STK25: variants seen among roughly 807,000 people sequenced by gnomAD.
STK25 encodes the protein serine/threonine-protein kinase 25.
In STK25, 29 loss-of-function variants were observed where a neutral mutation model predicts 53.8. The observed-to-expected ratio is 0.54, with a 90% confidence interval of 0.40 to 0.74. The LOEUF (loss-of-function observed/expected upper bound fraction) is 0.74, where lower values mean the gene tolerates loss of function less well. Ranked by LOEUF, STK25 falls within the 30% of genes least tolerant of loss-of-function variation. The pLI is 0.00. For missense variants in STK25, 420 were observed against 568.0 expected, an observed-to-expected ratio of 0.74 and a Z score of 2.65; for synonymous variants, 247 against 238.3, an observed-to-expected ratio of 1.04 and a Z score of -0.33.
At chr2:241,500,893 C>G (rs2065470187) in intron 3 of STK25, 97 bp from the exon 4 acceptor site, 1 of 1,207,386 alleles carries the variant, frequency 8.3e-7, no homozygotes, top group African/African-American at 1.5e-5. Flanking sequence ...GGCCCAGGCC[C>G]CACCGGTCCC....
chr2:241,493,195 G>C lies in STK25; in HGVS notation c.*2467C>G. The C allele has an allele frequency of 1.4e-6, 2 of 1,407,396 alleles. No homozygotes were observed. The highest frequency in any genetic ancestry group is 2.0e-6 in the Non-Finnish European group (2 of 1,006,804). 87.2% of individuals were successfully genotyped at this position (1,407,396 alleles called of 1,614,324 possible). On this transcript the variant is annotated 3_prime_UTR_variant, in exon 12 of 12. Transcript: ENST00000316586. ...GGGAAACTGGCTCCCTTGGCCCGTG[G>C]GCATTTGTACGTGCCACCGTTGTGC... is the stretch of plus-strand genomic sequence containing the variant.
At position 241,495,346 on chromosome 2, in the gene STK25, C is replaced by A. The variant is rs955250734; in HGVS notation, c.*316G>T. On this transcript the variant is annotated 3_prime_UTR_variant, in exon 12 of 12. Coordinates refer to ENST00000316586, the MANE Select transcript of STK25 (RefSeq NM_001271977.2). ...CTTGGTCTGAGCGGCCATAGGGCTG[C>A]ATGAGTCTGCAGAAGACCCAGGCGT... 12 of 361,764 alleles carry A rather than the reference C, an allele frequency of 3.3e-5. No homozygotes were observed. Among genetic ancestry groups the A allele is most frequent in the African/African-American group, 2.3e-4 (11 of 48,288 alleles). The allele number at this position is 361,764 out of a possible 1,614,324, so 22.4% of individuals were successfully genotyped here. A position where few individuals can be genotyped will look rare whatever the true frequency, so the allele number is the denominator to read the frequency against.
rs752682796 is a variant in STK25 at position 241,497,640 on chromosome 2, C to T, written c.1080G>A (p.Thr360=). 3.1e-6 allele frequency: 5 copies of T among 1,613,386 alleles called. No individual in the cohort carries two copies. Among genetic ancestry groups the T allele is most frequent in the Admixed American group, 3.3e-5 (2 of 60,004 alleles). ...CCTCTCCGAAGACGGGCCGGACCAGCGTGGACAGGCACTGGGACCTCGGCT... is the reference window on the plus strand; with the variant it reads ...CCTCTCCGAAGACGGGCCGGACCAGTGTGGACAGGCACTGGGACCTCGGCT... ...KRQPRSQCLS[T]LVRPVFGELK... is the part of the protein sequence containing the mutation. The change falls in exon 10 of 12, where the codon ACG becomes ACA. Residue 360 remains threonine, a synonymous_variant. Coordinates refer to ENST00000316586, the MANE Select transcript of STK25 (RefSeq NM_001271977.2).
chr2:241,497,537 G>T, intron 10 of STK25, 79 bp downstream of exon 10: 1 of 1,433,934 alleles, frequency 7.0e-7, no homozygotes, highest in Non-Finnish European at 9.8e-7. Flanking sequence ...ACAGTGCTGT[G>T]AGGGAGACAT....
At position 241,499,434 on chromosome 2, in the gene STK25, C is replaced by A. The variant is rs540691158; in HGVS notation, c.428-20G>T. On this transcript the variant is annotated intron_variant, in intron 5 of 11. Transcript: ENST00000316586. ...TGGCAGCTGCTTGACACAGGACAGG[C>A]AGGCGTCATCCCAGGCTCCACGTGG... The A allele has an allele frequency of 8.1e-6, 13 of 1,609,930 alleles. No homozygotes were observed. In the African/African-American group the frequency reaches 1.6e-4, roughly 20 times the overall value.
At position 241,508,549 on chromosome 2, in the gene STK25, G is replaced by C. The variant is rs923001693; in HGVS notation, c.-207C>G. On this transcript the variant is annotated 5_prime_UTR_variant, in exon 1 of 12. Coordinates refer to ENST00000316586, the MANE Select transcript of STK25 (RefSeq NM_001271977.2). The stretch of plus-strand genomic sequence containing the variant: ...GGGGACCCCGGGCCTCCCAGCCCGC[G>C]AAGCAACGGTGGTGGCGGCAGCGAC... 1.0e-6 allele frequency: 1 copy of C among 995,756 alleles called. No homozygotes were observed. Among genetic ancestry groups the C allele is most frequent in the Non-Finnish European group, 1.2e-6 (1 of 835,976 alleles). 61.7% of individuals were successfully genotyped at this position (995,756 alleles called of 1,614,324 possible).
At position 241,499,416 on chromosome 2, in the gene STK25, TGC is replaced by T; in HGVS notation, c.428-4_428-3del. On this transcript the variant is annotated splice_polypyrimidine_tract_variant and splice_region_variant and intron_variant, in intron 5 of 11. Coordinates refer to ENST00000316586, the MANE Select transcript of STK25 (RefSeq NM_001271977.2). ...GCTCCGAGAGTAGCACGTTGGCAGC[TGC>T]TTGACACAGGACAGGCAGGCGTCAT... The T allele has an allele frequency of 6.2e-7, 1 of 1,613,394 alleles. No homozygotes were observed. Among genetic ancestry groups the T allele is most frequent in the Non-Finnish European group, 8.5e-7 (1 of 1,179,770 alleles).
rs550355190 is a variant in STK25, at chr2:241,503,366, C to T, written c.31-1658G>A. 1.3e-5 allele frequency among the ~76,000 whole-genome samples: 2 copies of T among 151,992 alleles called. 1 individual carries two copies. Among genetic ancestry groups the T allele is most frequent in the Admixed American group, 1.3e-4 (2 of 15,288 alleles). ...AGGCGTGAGCCACCACGCACGGCCCCTCCCCTAACAACATCAAGGGTCTTG... is the reference window on the plus strand; with the variant it reads ...AGGCGTGAGCCACCACGCACGGCCCTTCCCCTAACAACATCAAGGGTCTTG... On this transcript the variant is annotated intron_variant, in intron 2 of 11. Coordinates refer to ENST00000316586, the MANE Select transcript of STK25 (RefSeq NM_001271977.2).
At position 241,493,305 on chromosome 2, in the gene STK25, C is replaced by T. The variant is rs2064998459; in HGVS notation, c.*2357G>A. The T allele has an allele frequency of 3.7e-6, 6 of 1,613,732 alleles. No individual in the cohort carries two copies. The highest frequency in any genetic ancestry group is 2.7e-5 in the African/African-American group (2 of 74,948). ...TGCTGTCTTGCAGGATGACTACCCA[C>T]TGGCCAGCCTCCCGCTGCTGGGCTA... On this transcript the variant is annotated 3_prime_UTR_variant, in exon 12 of 12. Transcript: ENST00000316586.
chr2:241,499,678 C>A (rs2065387489), intron 5 of STK25: 3 of 559,446 alleles, frequency 5.4e-6, no homozygotes, highest in African/African-American at 1.9e-5. Context: ...CGACAAGCGA[C>A]TTCGCCCACT....
rs968863696 is a variant in STK25, at chr2:241,493,644, G to C, written c.*2018C>G. The C allele has an allele frequency of 5.1e-6, 3 of 589,308 alleles. No individual in the cohort carries two copies. The highest frequency in any genetic ancestry group is 5.9e-5 in the Admixed American group (2 of 33,654). The allele number at this position is 589,308 out of a possible 1,614,324, so 36.5% of individuals were successfully genotyped here. ...GCGTCTCCCTCTGTCACTCAGGCTG[G>C]AGTGCAGTGATACAATCTTGGCTCA... On this transcript the variant is annotated 3_prime_UTR_variant, in exon 12 of 12. Transcript: ENST00000316586.
rs939425972 is a variant in STK25, at chr2:241,494,362, C to T, written c.*1300G>A. The T allele has an allele frequency of 4.5e-5, 15 of 330,880 alleles. No individual in the cohort carries two copies. Among genetic ancestry groups the T allele is most frequent in the South Asian group, 2.8e-4 (2 of 7,178 alleles). 20.5% of individuals were successfully genotyped at this position (330,880 alleles called of 1,614,324 possible). On this transcript the variant is annotated 3_prime_UTR_variant, in exon 12 of 12. Coordinates refer to ENST00000316586, the MANE Select transcript of STK25 (RefSeq NM_001271977.2). The surrounding 1 kb of genome is among the most constrained non-coding windows in gnomAD (Gnocchi z 4.9). Reference sequence around the variant, plus strand: ...CTGGGAAAAATGTGCGAGTCTTGAGCGCGGAGCCGCTCAAGCCACAGCTCC... The same window carrying T: ...CTGGGAAAAATGTGCGAGTCTTGAGTGCGGAGCCGCTCAAGCCACAGCTCC...
chr2:241,508,650 T>TCC, upstream of STK25: 1 of 985,930 alleles, frequency 1.0e-6, no homozygotes, highest in Non-Finnish European at 1.2e-6. Context: ...GGACCCCGAG[T>TCC]CCCACCGCCC....
At chr2:241,500,117 T>A in intron 5 of STK25, 56 bp downstream of exon 5, 1 of 1,501,884 alleles carries the variant, frequency 6.7e-7, no homozygotes, top group Non-Finnish European at 9.3e-7. Flanking sequence ...CCCCGGCCTC[T>A]CTAAGGTCAG....
Position 241,508,154 on chromosome 2 carries a change from G to T in STK25, c.-100-19C>A. On this transcript the variant is annotated intron_variant, in intron 1 of 11. Coordinates refer to ENST00000316586, the MANE Select transcript of STK25 (RefSeq NM_001271977.2). ...CAGTCCACTGCGAGGGACACCAGGG[G>T]CGCTCGGTGCCCAGTTCAGTCATCT... 2.0e-6 allele frequency: 3 copies of T among 1,468,728 alleles called. No homozygotes were observed. The highest frequency in any genetic ancestry group is 1.5e-5 in the African/African-American group (1 of 68,442). The allele number at this position is 1,468,728 out of a possible 1,614,324, so 91.0% of individuals were successfully genotyped here.
At position 241,508,058 on chromosome 2, in the gene STK25, C is replaced by G; in HGVS notation, c.-23G>C. ...CATGGCCGCGCCGCCTCAGACCCTC[C>G]GCCAGCAGCCCCAGGAGGCGTCTGG... is the stretch of plus-strand genomic sequence containing the variant. On this transcript the variant is annotated 5_prime_UTR_variant, in exon 2 of 12. Transcript: ENST00000316586. 6.3e-7 allele frequency: 1 copy of G among 1,595,244 alleles called. No homozygotes were observed. The highest frequency in any genetic ancestry group is 8.5e-7 in the Non-Finnish European group (1 of 1,172,380).
chr2:241,507,944 C>T (rs28364816), intron 2 of STK25, 62 bp downstream of exon 2: 29,480 of 1,493,510 alleles, frequency 0.02, 1,917 homozygotes, highest in Admixed American at 0.17. Flanking sequence ...TCTGAACCCC[C>T]AGGAGACTCT....
intron 2 of STK25, among the ~76,000 whole-genome samples, chr2:241,504,656 TG>T (rs975748259): frequency 9.2e-5 from 14 of 152,282 alleles, no homozygotes; most frequent in South Asian, 4.1e-4. Context: ...TTTTTTGAGA[TG>T]GGGGGTCTCG....
intron 2 of STK25, among the ~76,000 whole-genome samples, chr2:241,507,787 A>C (rs546716026): frequency 2.8e-4 from 42 of 152,318 alleles, no homozygotes; most frequent in Non-Finnish European, 4.0e-4. Context: ...CGGTTTCTAG[A>C]GGCCTGCGAG....
Sources: allele counts gnomAD v4.1 joint callset (sites outside exome capture counted in the v4.1 genomes callset), GRCh38; gene constraint gnomAD v4.1.1; non-coding constraint Gnocchi (gnomAD v3.1); transcripts MANE v1.5; gene names NCBI Gene and HGNC (gene_info 2026-07-23, HGNC 2026-07-21).